The following SRP68 variants were observed in gnomAD, a reference collection of about 807,000 sequenced individuals.
The protein encoded by SRP68 is signal recognition particle subunit SRP68.
Under a neutral mutation model 82.2 loss-of-function variants are expected in SRP68, and 15 were observed. The observed-to-expected ratio is 0.18, with a 90% CI of 0.12 to 0.28. SRP68 has a LOEUF of 0.28. Among genes scored for constraint, SRP68 ranks in the 10% least tolerant of loss-of-function variants. SRP68 has a pLI of 1.00. For synonymous variants in SRP68, 261 were observed against 292.6 expected (o/e 0.89, Z 1.10); for missense variants, 595 against 780.5 (o/e 0.76, Z 2.83).
At position 76,046,716 on chromosome 17, in the gene SRP68, C is replaced by T. The variant is rs982860493; in HGVS notation, c.1143-522G>A. Among the ~76,000 whole-genome samples the T allele has an allele frequency of 8.5e-5, 13 of 152,114 alleles. No individual in the cohort carries two copies. In the East Asian group the frequency reaches 2.1e-3, roughly 25 times the overall value. Reference sequence around the variant, plus strand: ...CAGCACTGTAGGAGGCCGAGGCGGGCGGATCATGAGGTCAGGAGATTGAGA... The same window carrying T: ...CAGCACTGTAGGAGGCCGAGGCGGGTGGATCATGAGGTCAGGAGATTGAGA... On this transcript the variant is annotated intron_variant, in intron 10 of 15. Transcript: ENST00000307877.
rs549962895 is a variant in SRP68 at position 76,048,798 on chromosome 17, T to C, written c.1078-828A>G. 3.9e-5 allele frequency: 6 copies of C among 152,362 alleles called. No individual in the cohort carries two copies. The South Asian group carries it at 1.2e-3, about 32-fold the overall frequency. 9.4% of individuals were successfully genotyped at this position (152,362 alleles called of 1,614,324 possible). A position where few individuals can be genotyped will look rare whatever the true frequency, so the allele number is the denominator to read the frequency against. ...TTAATATGATCGCAGCAACAGGAAATGAATGCGCCTTTGCGGCATCACATT... is the reference window on the plus strand; with the variant it reads ...TTAATATGATCGCAGCAACAGGAAACGAATGCGCCTTTGCGGCATCACATT... On this transcript the variant is annotated intron_variant, in intron 9 of 15. Transcript: ENST00000307877.
intron 8 of SRP68, among the ~76,000 whole-genome samples, chr17:76,054,641 C>A (rs1464974602): frequency 6.6e-6 from 1 of 152,012 alleles, no homozygotes; most frequent in Non-Finnish European, 1.5e-5. Context: ...TGCCTGAAGT[C>A]AGGAGTTCGA....
chr17:76,049,306 C>T (rs1489673860), intron 9 of SRP68: 1 of 152,168 alleles, frequency 6.6e-6, no homozygotes, highest in Non-Finnish European at 1.5e-5. Context: ...CTGCAGAGAT[C>T]TCTGTGGGCT....
chr17:76,053,767 G>C, intron 8 of SRP68: 1 of 452,258 alleles, frequency 2.2e-6, no homozygotes, highest in South Asian at 9.4e-5. Context: ...TCCCTGGGCA[G>C]GGCAAAATGT....
Position 76,039,024 on chromosome 17 carries a change from C to CA in SRP68, c.*681dup, listed in dbSNP as rs2066568564. On this transcript the variant is annotated 3_prime_UTR_variant, in exon 16 of 16. Transcript: ENST00000307877. ...CGGTAAGTCAGGTTACACTTGACCT[C>CA]ACCGGCTTCACGCAACTAGGCTCCC... The CA allele has an allele frequency of 9.4e-6, 2 of 212,862 alleles. No individual in the cohort carries two copies. The highest frequency in any genetic ancestry group is 4.5e-5 in the African/African-American group (2 of 44,018). The allele number at this position is 212,862 out of a possible 1,614,324, so 13.2% of individuals were successfully genotyped here.
rs1334749522 is a variant in SRP68 at position 76,039,598 on chromosome 17, T to G, written c.*108A>C. On this transcript the variant is annotated 3_prime_UTR_variant, in exon 16 of 16. Transcript: ENST00000307877. ...TGCAGGGCCGAAGATGTTAAACTCT[T>G]GCCCCGGGCCAATGCAGACCTGGAT... 1.8e-6 allele frequency: 2 copies of G among 1,083,522 alleles called. No individual in the cohort carries two copies. The highest frequency in any genetic ancestry group is 2.7e-6 in the Non-Finnish European group (2 of 746,992). The allele number at this position is 1,083,522 out of a possible 1,614,324, so 67.1% of individuals were successfully genotyped here. A position where few individuals can be genotyped will look rare whatever the true frequency, so the allele number is the denominator to read the frequency against.
chr17:76,048,104 A>C, intron 9 of SRP68, 134 bp from the exon 10 acceptor site: 2 of 425,340 alleles, frequency 4.7e-6, no homozygotes, highest in East Asian at 3.8e-5. Flanking sequence ...GTCCTCAAAT[A>C]TCAAAGATCT....
At chr17:76,055,985 CTTTT>C (rs1418695442) in intron 8 of SRP68, among the ~76,000 whole-genome samples, 2 of 150,942 alleles carry the variant, frequency 1.3e-5, no homozygotes, top group African/African-American at 4.9e-5. Context: ...TTTTTTGGTA[CTTTT>C]TTTTGTAGAG....
chr17:76,062,734 TA>T (rs2066772988), intron 4 of SRP68, among the ~76,000 whole-genome samples: 2 of 8,000 alleles, frequency 2.5e-4, no homozygotes, highest in Non-Finnish European at 3.6e-4. Flanking sequence ...TTATTTTATA[TA>T]TATATATATA....
chr17:76,066,665 A>C (rs531600603), intron 3 of SRP68, among the ~76,000 whole-genome samples: 2 of 150,008 alleles, frequency 1.3e-5, no homozygotes, highest in Non-Finnish European at 3.0e-5. Context: ...AAGGGAGAAG[A>C]AGCTTCCCTG....
At chr17:76,067,542 T>C (rs752617546) in intron 2 of SRP68, among the ~76,000 whole-genome samples, 5 of 152,108 alleles carry the variant, frequency 3.3e-5, no homozygotes, top group Non-Finnish European at 7.4e-5. Context: ...GGTGTGATCT[T>C]GGCTCACTGC....
intron 4 of SRP68, among the ~76,000 whole-genome samples, chr17:76,062,991 C>T (rs549620790): frequency 1.5e-4 from 22 of 150,904 alleles, no homozygotes; most frequent in Middle Eastern, 3.4e-3. Flanking sequence ...AGGATGGTCT[C>T]GATCTCCTGA....
At chr17:76,042,035 C>T (rs921358056) in intron 13 of SRP68, among the ~76,000 whole-genome samples, 13 of 152,080 alleles carry the variant, frequency 8.5e-5, no homozygotes, top group Non-Finnish European at 1.6e-4. Context: ...AGGCGCCTGC[C>T]ACCATGCCCG....
chr17:76,039,555 A>G lies in SRP68; in HGVS notation c.*151T>C. ...TGACACGCTGCTTAAGAACGTGTAC[A>G]GACACAAGATGTAGGAATGCAGGGC... On this transcript the variant is annotated 3_prime_UTR_variant, in exon 16 of 16. Coordinates refer to ENST00000307877, the MANE Select transcript of SRP68 (RefSeq NM_014230.4). 1.3e-6 allele frequency: 1 copy of G among 753,738 alleles called. No homozygotes were observed. Among genetic ancestry groups the G allele is most frequent in the East Asian group, 2.7e-5 (1 of 37,150 alleles). 46.7% of individuals were successfully genotyped at this position (753,738 alleles called of 1,614,324 possible).
chr17:76,054,010 G>C (rs1329186015), intron 8 of SRP68, among the ~76,000 whole-genome samples: 1 of 152,216 alleles, frequency 6.6e-6, no homozygotes, highest in Non-Finnish European at 1.5e-5. Flanking sequence ...TTGGTGGTCT[G>C]ACTAGACCTT....
rs1387746109 is a variant in SRP68 at position 76,072,484 on chromosome 17, G to C, written c.8C>G (p.Ala3Gly). The C allele has an allele frequency of 3.2e-6, 5 of 1,583,132 alleles. No homozygotes were observed. Among genetic ancestry groups the C allele is most frequent in the African/African-American group, 2.7e-5 (2 of 73,884 alleles). The change falls in exon 1 of 16, where the codon GCT becomes GGT. Residue 3 changes from alanine to glycine, a missense_variant. Around this residue, in one of 2 missense-constraint regions of SRP68, gnomAD observed 100 missense variants for 91.9 expected, o/e 1.09. Transcript: ENST00000307877. This position sits in a 1 kb window ranked among gnomAD's most constrained non-coding sequence, Gnocchi z 4.5. ...GCCGCCGCCTGGGACCTGCTTCTCA[G>C]CAGCCATCTTGCCCCTGCGCCGCAG... is the stretch of plus-strand genomic sequence containing the variant. Reference protein sequence around the residue: MAAEKQVPGGGGG... With the variant: MAGEKQVPGGGGG...
Position 76,039,251 on chromosome 17 carries a change from G to C in SRP68, c.*455C>G, listed in dbSNP as rs989754147. The C allele has an allele frequency of 1.4e-5, 6 of 442,306 alleles. No homozygotes were observed. Among genetic ancestry groups the C allele is most frequent in the Non-Finnish European group, 2.8e-5 (6 of 217,380 alleles). 27.4% of individuals were successfully genotyped at this position (442,306 alleles called of 1,614,324 possible). ...GGGAATAAGGCTGACCGTAATTCTG[G>C]GGTGACGTTGCCAGTTTCATAGTCA... On this transcript the variant is annotated 3_prime_UTR_variant, in exon 16 of 16. Coordinates refer to ENST00000307877, the MANE Select transcript of SRP68 (RefSeq NM_014230.4).
intron 1 of SRP68, among the ~76,000 whole-genome samples, 184 bp from the exon 2 acceptor site, chr17:76,070,628 G>T (rs2066843950): frequency 6.6e-6 from 1 of 152,100 alleles, no homozygotes; most frequent in Non-Finnish European, 1.5e-5. Flanking sequence ...ATCACCTGAG[G>T]TCAGGAGTTC....
At chr17:76,058,240 A>G (rs899964103) in intron 7 of SRP68, among the ~76,000 whole-genome samples, 2 of 150,718 alleles carry the variant, frequency 1.3e-5, no homozygotes, top group African/African-American at 2.4e-5. Flanking sequence ...TGCAACCTCC[A>G]CCTCCCAAGT....
Sources: gnomAD v4.1 joint callset for allele counts (sites outside exome capture counted in the v4.1 genomes callset) on GRCh38, gnomAD v4.1.1 for gene constraint, gnomAD v4.1.1 regional missense constraint, Gnocchi (gnomAD v3.1) non-coding constraint, MANE v1.5 for transcripts, NCBI Gene and HGNC (gene_info 2026-07-23, HGNC 2026-07-21) for gene names.